Variants in SETD2 observed in about 807,000 individuals in gnomAD.
The protein encoded by SETD2 is histone-lysine N-methyltransferase SETD2.
SETD2 carries 31 observed loss-of-function variants against 242.1 expected under a neutral mutation model. That is an observed-to-expected ratio of 0.13 (90% CI 0.10 to 0.17). The LOEUF (loss-of-function observed/expected upper bound fraction) is 0.17. Ranked by LOEUF, SETD2 falls within the 10% of genes least tolerant of loss-of-function variation. The pLI is 1.00. For synonymous variants in SETD2, 1,006 were observed against 1,066.5 expected, an observed-to-expected ratio of 0.94 and a Z score of 1.11; for missense variants, 2,481 against 3,046.3, an observed-to-expected ratio of 0.81 and a Z score of 4.37.
At chr3:47,126,065 T>G (rs2043316259) in intron 2 of SETD2, among the ~76,000 whole-genome samples, 3 of 152,260 alleles carry the variant, frequency 2.0e-5, no homozygotes. Context: ...AGTCTTGCTC[T>G]GTTGCCCAGG....
intron 1 of SETD2, among the ~76,000 whole-genome samples, chr3:47,145,231 T>C (rs2043824558): frequency 6.6e-6 from 1 of 152,134 alleles, no homozygotes; most frequent in Non-Finnish European, 1.5e-5. Context: ...AATATCTGCA[T>C]ATACACGAGA....
At chr3:47,068,521 G>T (rs1368500702) in intron 12 of SETD2, among the ~76,000 whole-genome samples, 2 of 143,490 alleles carry the variant, frequency 1.4e-5, no homozygotes, top group African/African-American at 5.2e-5. Flanking sequence ...TTTTGAGACG[G>T]AGTCTTGCTC....
At chr3:47,157,979 G>A (rs545016871) in intron 1 of SETD2, among the ~76,000 whole-genome samples, 1 of 152,090 alleles carries the variant, frequency 6.6e-6, no homozygotes, top group Non-Finnish European at 1.5e-5. Flanking sequence ...CACTTTATAG[G>A]TAAGGAGTAA....
intron 17 of SETD2, 138 bp from the exon 18 acceptor site, chr3:47,037,915 A>C: frequency 1.6e-6 from 1 of 623,504 alleles, no homozygotes; most frequent in South Asian, 1.7e-5. Flanking sequence ...TTAAAGACAA[A>C]CTTTTTCTAT....
chr3:47,037,614 T>C (rs2039072144), intron 18 of SETD2, 52 bp downstream of exon 18: 2 of 1,366,652 alleles, frequency 1.5e-6, no homozygotes, highest in East Asian at 4.6e-5. Context: ...TGCGGGATGG[T>C]CTTGGACGGA....
chr3:47,126,036 C>T (rs1181195539), intron 2 of SETD2, among the ~76,000 whole-genome samples: 1 of 152,076 alleles, frequency 6.6e-6, no homozygotes, highest in Non-Finnish European at 1.5e-5. Context: ...ATTCCAAATA[C>T]TTTATTTTTT....
Position 47,088,004 on chromosome 3 carries a change from TAAATA to T in SETD2, c.5277+104_5277+108del, listed in dbSNP as rs1447171527. 572 of 1,104,666 alleles carry T rather than the reference TAAATA, an allele frequency of 5.2e-4. 2 individuals carry two copies. The African/African-American group carries it at 6.0e-3, about 12-fold the overall frequency. 68.4% of individuals were successfully genotyped at this position (1,104,666 alleles called of 1,614,324 possible). Reference sequence around the variant, plus strand: ...ACAAACAAACAAACAAATAAATAAATAAATAAAATAAGACTAACTCTTATCAGAAT... The same window carrying T: ...ACAAACAAACAAACAAATAAATAAATAAATAAGACTAACTCTTATCAGAAT... On this transcript the variant is annotated intron_variant, in intron 10 of 20. Transcript: ENST00000409792.
chr3:47,163,926 G>C lies in SETD2; in HGVS notation c.-2C>G, dbSNP rs761020197. ...CGGCTGCGGCTGCAGCTGCTTCATC[G>C]GGAGCGGCTGGAGACGGCGACGCGA... is the stretch of plus-strand genomic sequence containing the variant. On this transcript the variant is annotated 5_prime_UTR_variant, in exon 1 of 21. Transcript: ENST00000409792. The C allele has an allele frequency of 3.1e-6, 4 of 1,301,010 alleles. No individual in the cohort carries two copies. The highest frequency in any genetic ancestry group is 3.9e-6 in the Non-Finnish European group (4 of 1,019,854). The allele number at this position is 1,301,010 out of a possible 1,614,324, so 80.6% of individuals were successfully genotyped here.
chr3:47,100,645 T>G (rs1434467408), intron 8 of SETD2, among the ~76,000 whole-genome samples: 1 of 152,152 alleles, frequency 6.6e-6, no homozygotes, highest in East Asian at 1.9e-4. Context: ...GCTTCAGTGT[T>G]AATAAGAACT....
At chr3:47,064,554 C>G in intron 13 of SETD2, 1 of 289,028 alleles carries the variant, frequency 3.5e-6, no homozygotes. Context: ...AGGAATCATA[C>G]CAACAGTTCA....
chr3:47,071,044 A>T (rs1363567060), intron 12 of SETD2, among the ~76,000 whole-genome samples: 1 of 152,074 alleles, frequency 6.6e-6, no homozygotes, highest in Non-Finnish European at 1.5e-5. Context: ...ATCATAGCTC[A>T]CTGCACCCTC....
At chr3:47,058,152 G>GA (rs996553421) in intron 14 of SETD2, among the ~76,000 whole-genome samples, 2 of 152,054 alleles carry the variant, frequency 1.3e-5, no homozygotes, top group Admixed American at 6.6e-5. Context: ...AATGTTGAGA[G>GA]AAACTATTTC....
intron 9 of SETD2, among the ~76,000 whole-genome samples, chr3:47,091,610 A>T (rs894889146): frequency 1.3e-5 from 2 of 152,162 alleles, no homozygotes; most frequent in Non-Finnish European, 2.9e-5. Flanking sequence ...TAAAAATACA[A>T]AAATTAGCCG....
At chr3:47,041,355 C>G (rs1323507453) in intron 17 of SETD2, 3 of 448,710 alleles carry the variant, frequency 6.7e-6, no homozygotes, top group South Asian at 3.2e-5. Context: ...ATTACTAAAA[C>G]TAACAGTTGT....
At chr3:47,093,691 C>A (rs780899898) in intron 9 of SETD2, among the ~76,000 whole-genome samples, 39 of 152,260 alleles carry the variant, frequency 2.6e-4, no homozygotes, top group Middle Eastern at 6.8e-3. Context: ...TGCTTATACA[C>A]CCAGGAACTG....
intron 13 of SETD2, 151 bp from the exon 14 acceptor site, chr3:47,062,497 T>C (rs558541803): frequency 1.6e-5 from 11 of 668,786 alleles, no homozygotes; most frequent in South Asian, 1.1e-4. Flanking sequence ...AGTTCTGAAT[T>C]TGAAAGAGAT....
intron 3 of SETD2, chr3:47,119,317 G>A (rs747502796): frequency 1.3e-5 from 2 of 151,798 alleles, no homozygotes; most frequent in Non-Finnish European, 2.9e-5. Flanking sequence ...TTCATGTTAG[G>A]GATTTTTTGA....
At chr3:47,096,784 A>C (rs1235200684) in intron 9 of SETD2, among the ~76,000 whole-genome samples, 1 of 152,074 alleles carries the variant, frequency 6.6e-6, no homozygotes, top group Non-Finnish European at 1.5e-5. Flanking sequence ...AAATATATAC[A>C]TTTTTTAAAA....
At chr3:47,142,972 T>C (rs1006938732) in intron 1 of SETD2, among the ~76,000 whole-genome samples, 2 of 151,990 alleles carry the variant, frequency 1.3e-5, no homozygotes, top group South Asian at 2.1e-4. Context: ...GCCTGGCTCA[T>C]TGGCTTCTTA....
Sources: gnomAD v4.1 joint callset for allele counts (sites outside exome capture counted in the v4.1 genomes callset) on GRCh38, gnomAD v4.1.1 for gene constraint, MANE v1.5 for transcripts, NCBI Gene and HGNC (gene_info 2026-07-23, HGNC 2026-07-21) for gene names.